ACBD3: variants seen among roughly 807,000 people sequenced by gnomAD.
The protein encoded by ACBD3 is acyl-CoA binding domain containing 3, also known as Golgi resident protein GCP60.
A neutral mutation model predicts 66.9 loss-of-function variants in ACBD3; 30 were observed. That is an observed-to-expected ratio of 0.45 (90% CI 0.34 to 0.61). ACBD3 has a LOEUF of 0.61. ACBD3 is among the 20% of genes least tolerant of loss of function. The pLI is 0.02. For synonymous variants in ACBD3, 278 were observed against 259.8 expected (o/e 1.07, Z -0.68); for missense variants, 544 against 664.5 (o/e 0.82, Z 1.99).
intron 1 of ACBD3, among the ~76,000 whole-genome samples, chr1:226,177,906 C>T (rs1181405165): frequency 6.6e-6 from 1 of 151,986 alleles, no homozygotes; most frequent in Non-Finnish European, 1.5e-5. Flanking sequence ...CCAAGCCTGG[C>T]TAATTTTTGT....
intron 6 of ACBD3, among the ~76,000 whole-genome samples, chr1:226,152,986 A>C (rs1659606506): frequency 6.6e-6 from 1 of 152,236 alleles, no homozygotes; most frequent in Admixed American, 6.5e-5. Context: ...TTAGGAATAA[A>C]TTACTCTTGT....
Position 226,146,497 on chromosome 1 carries a change from C to CA in ACBD3, c.*112dup. ...AGCAAGAGTTCACAAACCATCAGAC[C>CA]AATATCAATAAGGTAAACTGTGACT... is the stretch of plus-strand genomic sequence containing the variant. On this transcript the variant is annotated 3_prime_UTR_variant, in exon 8 of 8. Coordinates refer to ENST00000366812, the MANE Select transcript of ACBD3 (RefSeq NM_022735.4). 1.2e-6 allele frequency: 1 copy of CA among 854,962 alleles called. No individual in the cohort carries two copies. The highest frequency in any genetic ancestry group is 1.8e-6 in the Non-Finnish European group (1 of 554,624). 53.0% of individuals were successfully genotyped at this position (854,962 alleles called of 1,614,324 possible).
intron 1 of ACBD3, among the ~76,000 whole-genome samples, chr1:226,176,065 A>G (rs1301510762): frequency 2.0e-5 from 3 of 152,168 alleles, no homozygotes; most frequent in African/African-American, 7.2e-5. Flanking sequence ...TTATAAATGG[A>G]AGGGAAGAAA....
intron 7 of ACBD3, among the ~76,000 whole-genome samples, chr1:226,147,577 T>C (rs1383882988): frequency 6.6e-6 from 1 of 152,156 alleles, no homozygotes; most frequent in African/African-American, 2.4e-5. Context: ...TGGAAGATGA[T>C]TTGTGAGGAC....
chr1:226,177,339 A>G (rs1331661961), intron 1 of ACBD3, among the ~76,000 whole-genome samples: 1 of 149,606 alleles, frequency 6.7e-6, no homozygotes, highest in Non-Finnish European at 1.5e-5. Context: ...CTGGGACTAC[A>G]GGTGGCCACC....
chr1:226,172,570 C>T (rs2102786764), intron 1 of ACBD3, among the ~76,000 whole-genome samples: 1 of 152,218 alleles, frequency 6.6e-6, no homozygotes, highest in African/African-American at 2.4e-5. Flanking sequence ...GCTCTATAAT[C>T]CTTTCTTTAA....
At chr1:226,170,992 T>A (rs964001051) in intron 1 of ACBD3, among the ~76,000 whole-genome samples, 1 of 152,092 alleles carries the variant, frequency 6.6e-6, no homozygotes, top group Admixed American at 6.6e-5. Context: ...TTACCCAGGT[T>A]GGTCTCGAGC....
intron 2 of ACBD3, among the ~76,000 whole-genome samples, chr1:226,165,586 T>G (rs1659862066): frequency 6.6e-6 from 1 of 152,230 alleles, no homozygotes; most frequent in South Asian, 2.1e-4. Flanking sequence ...ATATTTTAAA[T>G]GGCTACTTTT....
At chr1:226,182,298 T>A (rs1041663526) in intron 1 of ACBD3, among the ~76,000 whole-genome samples, 2 of 151,992 alleles carry the variant, frequency 1.3e-5, no homozygotes, top group African/African-American at 4.8e-5. Flanking sequence ...CATCTTCTAA[T>A]TTACTGACAA....
At chr1:226,155,055 T>C in intron 5 of ACBD3, 1 of 344,160 alleles carries the variant, frequency 2.9e-6, no homozygotes. Context: ...AAAATTAATG[T>C]GGACAAAAAC....
rs574671579 is a variant in ACBD3, at chr1:226,182,599, G to T, written c.286+3791C>A. On this transcript the variant is annotated intron_variant, in intron 1 of 7. Coordinates refer to ENST00000366812, the MANE Select transcript of ACBD3 (RefSeq NM_022735.4). ...ACTGCATTCCAGCCTGGGTGACATA[G>T]CAAGACTCCGTCTCAGAAAAAAAAA... Among the ~76,000 whole-genome samples the T allele has an allele frequency of 5.3e-5, 8 of 152,138 alleles. No individual in the cohort carries two copies. The South Asian group carries it at 1.7e-3, about 32-fold the overall frequency.
intron 1 of ACBD3, among the ~76,000 whole-genome samples, chr1:226,181,367 CTA>C: frequency 6.6e-6 from 1 of 152,182 alleles, no homozygotes; most frequent in East Asian, 1.9e-4. Context: ...TTGTAGTTGC[CTA>C]TGTTTAAAGA....
chr1:226,172,167 A>AAC (rs1349311004), intron 1 of ACBD3, among the ~76,000 whole-genome samples: 2 of 138,964 alleles, frequency 1.4e-5, no homozygotes, highest in African/African-American at 5.1e-5. Context: ...AAAAAAAAAA[A>AAC]AAAGAGGAAT....
intron 5 of ACBD3, 48 bp downstream of exon 5, chr1:226,159,136 A>C: frequency 6.3e-7 from 1 of 1,583,626 alleles, no homozygotes; most frequent in South Asian, 1.1e-5. Flanking sequence ...GGTTCCAATG[A>C]AACTAAAAAC....
chr1:226,167,174 T>C (rs375409617), intron 1 of ACBD3, among the ~76,000 whole-genome samples: 10 of 152,210 alleles, frequency 6.6e-5, no homozygotes, highest in South Asian at 2.1e-4. Flanking sequence ...AATTTTACAT[T>C]AGTCCCTTTT....
At chr1:226,152,293 C>T (rs368136341) in intron 7 of ACBD3, 42 bp downstream of exon 7, 28 of 1,600,548 alleles carry the variant, frequency 1.7e-5, no homozygotes, top group Non-Finnish European at 2.3e-5. Flanking sequence ...TTTCTGCCAA[C>T]ACACAACCCA....
intron 2 of ACBD3, among the ~76,000 whole-genome samples, chr1:226,165,177 CTT>C (rs201749556): frequency 6.8e-6 from 1 of 146,206 alleles, no homozygotes. Context: ...TTTCTTTTTT[CTT>C]TTTTTTTTTG....
intron 1 of ACBD3, 28 bp downstream of exon 1, chr1:226,186,361 GC>G: frequency 6.7e-7 from 1 of 1,485,610 alleles, no homozygotes; most frequent in Non-Finnish European, 9.0e-7. Context: ...CCGGGCAGAA[GC>G]GGCGGGGGTG....
At position 226,186,710 on chromosome 1, in the gene ACBD3, G is replaced by A. The variant is rs537694201; in HGVS notation, c.-35C>T. On this transcript the variant is annotated 5_prime_UTR_variant, in exon 1 of 8. Transcript: ENST00000366812. Reference sequence around the variant, plus strand: ...CTGCACCTCCTCAGCGGGGACAGACGGCAGCCACGTATCGACTTCCTGCTG... The same window carrying A: ...CTGCACCTCCTCAGCGGGGACAGACAGCAGCCACGTATCGACTTCCTGCTG... 11 of 1,445,300 alleles carry A rather than the reference G, an allele frequency of 7.6e-6. No individual in the cohort carries two copies. The highest frequency in any genetic ancestry group is 4.4e-5 in the African/African-American group (3 of 67,794). 89.5% of individuals were successfully genotyped at this position (1,445,300 alleles called of 1,614,324 possible).
Sources: gnomAD v4.1 joint callset for allele counts (sites outside exome capture counted in the v4.1 genomes callset) on GRCh38, gnomAD v4.1.1 for gene constraint, MANE v1.5 for transcripts, NCBI Gene and HGNC (gene_info 2026-07-23, HGNC 2026-07-21) for gene names.